The following ANKRD36B variants were observed in gnomAD, a reference collection of about 807,000 sequenced individuals.
The protein encoded by ANKRD36B is ankyrin repeat domain 36B.
ANKRD36B carries 37 observed loss-of-function variants against 135.7 expected under a neutral mutation model. That is an observed-to-expected ratio of 0.27 (90% CI 0.21 to 0.36). The LOEUF is 0.36. Ranked by LOEUF, ANKRD36B falls within the 10% of genes least tolerant of loss-of-function variation. The pLI, the probability that ANKRD36B is intolerant of heterozygous loss-of-function variation, is 1.00. For synonymous variants in ANKRD36B, 179 were observed against 348.1 expected, an observed-to-expected ratio of 0.51 and a Z score of 5.41; for missense variants, 549 against 1,037.1, an observed-to-expected ratio of 0.53 and a Z score of 6.46.
intron 6 of ANKRD36B, among the ~76,000 whole-genome samples, chr2:97,567,616 C>A (rs1483724051): frequency 3.3e-5 from 5 of 152,076 alleles, no homozygotes; most frequent in African/African-American, 1.2e-4. Context: ...ACTGCAGATT[C>A]AGTTACCCAT....
At chr2:97,535,102 T>A (rs2078795469) in intron 34 of ANKRD36B, among the ~76,000 whole-genome samples, 1 of 96,442 alleles carries the variant, frequency 1.0e-5, no homozygotes, top group South Asian at 2.4e-4. Flanking sequence ...CAGTCCTTTG[T>A]GGGTGTGAGA....
chr2:97,553,237 T>C lies in ANKRD36B; in HGVS notation c.1204A>G (p.Thr402Ala). 1 of 1,608,940 alleles carries C rather than the reference T, an allele frequency of 6.2e-7. No homozygotes were observed. Among genetic ancestry groups the C allele is most frequent in the Non-Finnish European group, 8.5e-7 (1 of 1,178,472 alleles). The part of the protein sequence containing the change: ...SSQKQQALKA[T>A]TDEEGSVSNI... The stretch of plus-strand genomic sequence containing the variant: ...GAAACAGAACCTTCCTCGTCAGTTG[T>C]AGCCTGAATGGAATTTGAAAGAAAA... The change falls in exon 16 of 44, where the codon ACA (threonine) becomes GCA (alanine). Residue 402 changes from threonine to alanine, a missense_variant. Transcript: ENST00000359901.
At chr2:97,535,692 T>C (rs184450321) in intron 34 of ANKRD36B, among the ~76,000 whole-genome samples, 1,236 of 98,048 alleles carry the variant, frequency 0.013, 104 homozygotes, top group African/African-American at 0.034. Flanking sequence ...TTGATCTCTT[T>C]AATTCGCTAA....
Position 97,529,205 on chromosome 2 carries a change from A to G in ANKRD36B, c.2265+3106T>C, listed in dbSNP as rs1340870711. On this transcript the variant is annotated intron_variant, in intron 35 of 43. Coordinates refer to ENST00000359901, the MANE Select transcript of ANKRD36B (RefSeq NM_001393939.1). ...CAGCACATCAAAAAGCTTATCCACC[A>G]TGATCAAGTGGGCTTCATCCCTGGG... Among the ~76,000 whole-genome samples, 6 of 94,866 alleles carry G rather than the reference A, an allele frequency of 6.3e-5. 2 individuals carry two copies. The highest frequency in any genetic ancestry group is 1.7e-4 in the Non-Finnish European group (6 of 35,746). 62.2% of individuals were successfully genotyped at this position (94,866 alleles called of 152,430 possible).
chr2:97,583,644 G>GTGT (rs1165031900), intron 3 of ANKRD36B, among the ~76,000 whole-genome samples: 5 of 132,320 alleles, frequency 3.8e-5, no homozygotes, highest in Admixed American at 8.5e-5. Context: ...TGTTGTTGTT[G>GTGT]TGTTGTTGCT....
chr2:97,557,631 A>G (rs1479964757), intron 10 of ANKRD36B, among the ~76,000 whole-genome samples: 1 of 151,768 alleles, frequency 6.6e-6, no homozygotes, highest in African/African-American at 2.4e-5. Flanking sequence ...TACACTTCAC[A>G]AGTCCTCGGT....
Position 97,528,642 on chromosome 2 carries a change from T to C in ANKRD36B, c.2265+3669A>G, listed in dbSNP as rs1254309150. 1.5e-3 allele frequency among the ~76,000 whole-genome samples: 145 copies of C among 94,838 alleles called. 40 individuals are homozygous for C. The highest frequency in any genetic ancestry group is 3.8e-3 in the African/African-American group (120 of 31,622). The allele number at this position is 94,838 out of a possible 152,430, so 62.2% of individuals were successfully genotyped here. On this transcript the variant is annotated intron_variant, in intron 35 of 43. Transcript: ENST00000359901. The stretch of plus-strand genomic sequence containing the variant: ...CGGTTTTTTGAAAGGATCAACAAAA[T>C]TGATAGACCGCTAGCAAGACTAATA...
In ANKRD36B at chr2:97,539,048, A is replaced by T. The variant is rs1269128243; in HGVS notation, c.1988-685T>A. Among the ~76,000 whole-genome samples the T allele has an allele frequency of 4.1e-5, 4 of 97,294 alleles. 2 individuals are homozygous for T. The highest frequency in any genetic ancestry group is 1.1e-4 in the Non-Finnish European group (4 of 36,588). The allele number at this position is 97,294 out of a possible 152,430, so 63.8% of individuals were successfully genotyped here. A position where few individuals can be genotyped will look rare whatever the true frequency, so the allele number is the denominator to read the frequency against. On this transcript the variant is annotated intron_variant, in intron 30 of 43. Coordinates refer to ENST00000359901, the MANE Select transcript of ANKRD36B (RefSeq NM_001393939.1). ...GGCAACAAAGTATAATATATAAACC[A>T]TATCAAAAAGTATAATAAATGATCA...
chr2:97,589,807 G>A lies in ANKRD36B; in HGVS notation c.-122C>T. On this transcript the variant is annotated 5_prime_UTR_variant, in exon 1 of 44. Coordinates refer to ENST00000359901, the MANE Select transcript of ANKRD36B (RefSeq NM_001393939.1). ...CCTCCGAAGAGCAACAACAGGCAAA[G>A]CAGTCTGTGCACGGACCTCCGCGCA... The A allele has an allele frequency of 6.8e-7, 1 of 1,468,510 alleles. No individual in the cohort carries two copies. Among genetic ancestry groups the A allele is most frequent in the South Asian group, 1.2e-5 (1 of 84,924 alleles). 91.0% of individuals were successfully genotyped at this position (1,468,510 alleles called of 1,614,324 possible). A position where few individuals can be genotyped will look rare whatever the true frequency, so the allele number is the denominator to read the frequency against.
chr2:97,538,776 G>C (rs2079013442), intron 30 of ANKRD36B, among the ~76,000 whole-genome samples: 1 of 97,138 alleles, frequency 1.0e-5, no homozygotes, highest in South Asian at 2.3e-4. Flanking sequence ...CCACTGTACT[G>C]CAAGTATTCA....
intron 6 of ANKRD36B, among the ~76,000 whole-genome samples, chr2:97,570,567 C>G (rs1577059336): frequency 1.3e-5 from 2 of 152,220 alleles, no homozygotes; most frequent in East Asian, 3.9e-4. Context: ...TCCATAAGAA[C>G]CTTGGATACT....
intron 6 of ANKRD36B, among the ~76,000 whole-genome samples, chr2:97,563,014 A>G (rs931372724): frequency 2.0e-5 from 3 of 152,002 alleles, no homozygotes; most frequent in Admixed American, 2.0e-4. Flanking sequence ...AGCAGACAGT[A>G]CTGAGCAATA....
intron 37 of ANKRD36B, among the ~76,000 whole-genome samples, chr2:97,514,126 T>C (rs1340691708): frequency 7.3e-6 from 1 of 137,336 alleles, no homozygotes; most frequent in Non-Finnish European, 1.5e-5. Context: ...TCAAATATCT[T>C]ACAGAGTTTG....
chr2:97,568,983 T>C (rs188107365), intron 6 of ANKRD36B, among the ~76,000 whole-genome samples: 4 of 152,312 alleles, frequency 2.6e-5, no homozygotes, highest in African/African-American at 9.6e-5. Context: ...TAGTATTCAC[T>C]AGCTGGTCTA....
intron 2 of ANKRD36B, 25 bp from the exon 3 acceptor site, chr2:97,585,142 T>A (rs770522732): frequency 1.9e-6 from 3 of 1,613,798 alleles, no homozygotes; most frequent in Admixed American, 1.7e-5. Flanking sequence ...CCGAGAAACA[T>A]GCAAATACTG....
intron 18 of ANKRD36B, among the ~76,000 whole-genome samples, chr2:97,550,420 C>G (rs1323214534): frequency 1.1e-4 from 16 of 151,872 alleles, no homozygotes; most frequent in Non-Finnish European, 2.1e-4. Flanking sequence ...AATGATCACT[C>G]TAGGACTTAA....
rs1262150885 is a variant in ANKRD36B at position 97,534,976 on chromosome 2, C to T, written c.2191+1324G>A. On this transcript the variant is annotated intron_variant, in intron 34 of 43. Coordinates refer to ENST00000359901, the MANE Select transcript of ANKRD36B (RefSeq NM_001393939.1). Reference sequence around the variant, plus strand: ...GGGTTCTAAAAATGTGATACATATACGGCTCAGCCATGTGAAAGAATAAGA... The same window carrying T: ...GGGTTCTAAAAATGTGATACATATATGGCTCAGCCATGTGAAAGAATAAGA... 2.5e-4 allele frequency among the ~76,000 whole-genome samples: 24 copies of T among 96,774 alleles called. 4 individuals carry two copies. In the East Asian group the frequency reaches 3.5e-3, roughly 14 times the overall value. 63.5% of individuals were successfully genotyped at this position (96,774 alleles called of 152,430 possible).
At chr2:97,557,803 T>C (rs2080664519) in intron 10 of ANKRD36B, among the ~76,000 whole-genome samples, 1 of 151,858 alleles carries the variant, frequency 6.6e-6, no homozygotes, top group South Asian at 2.1e-4. Context: ...GCAACAAATA[T>C]AATACATAAA....
intron 12 of ANKRD36B, among the ~76,000 whole-genome samples, chr2:97,556,012 T>C (rs548829360): frequency 6.6e-6 from 1 of 152,004 alleles, no homozygotes; most frequent in Non-Finnish European, 1.5e-5. Flanking sequence ...GCTTTTACAT[T>C]TGGCTATCAG....
Sources: allele counts gnomAD v4.1 joint callset (sites outside exome capture counted in the v4.1 genomes callset), GRCh38; gene constraint gnomAD v4.1.1; transcripts MANE v1.5; gene names NCBI Gene and HGNC (gene_info 2026-07-23, HGNC 2026-07-21).